Variants in HEMK2 observed in about 807,000 individuals in gnomAD.
HEMK2 encodes methyltransferase HEMK2.
chr21:28,757,662 T>C, the HEMK2 span, among the ~76,000 whole-genome samples: 1 of 152,214 alleles, frequency 6.6e-6, no homozygotes, highest in African/African-American at 2.4e-5. Flanking sequence ...CGACAGCAGA[T>C]AGAACAAAAC....
the HEMK2 span, among the ~76,000 whole-genome samples, chr21:28,632,899 G>A: frequency 5.3e-5 from 8 of 152,152 alleles, no homozygotes; most frequent in Admixed American, 1.3e-4. Context: ...AAAAGCAGAC[G>A]CAGTGTAGAC....
At chr21:28,626,480 T>C in the HEMK2 span, 1 of 152,166 alleles carries the variant, frequency 6.6e-6, no homozygotes, top group East Asian at 1.9e-4. Context: ...ATACATATAT[T>C]CAAAAAGAGC....
chr21:28,740,405 T>C, the HEMK2 span, among the ~76,000 whole-genome samples: 1 of 152,234 alleles, frequency 6.6e-6, no homozygotes, highest in East Asian at 1.9e-4. Flanking sequence ...GGAATTCAAA[T>C]GACAGTGGGT....
chr21:28,819,429 C>T, the HEMK2 span, among the ~76,000 whole-genome samples: 2 of 151,162 alleles, frequency 1.3e-5, no homozygotes, highest in African/African-American at 4.9e-5. Context: ...CCAAAAAATT[C>T]GATTAACTCA....
At chr21:28,662,939 C>T in the HEMK2 span, among the ~76,000 whole-genome samples, 9 of 152,108 alleles carry the variant, frequency 5.9e-5, no homozygotes, top group African/African-American at 2.2e-4. Flanking sequence ...TTGCTTTCCC[C>T]AAGCCCAATC....
chr21:28,609,101 C>T, the HEMK2 span, among the ~76,000 whole-genome samples: 1 of 152,174 alleles, frequency 6.6e-6, no homozygotes, highest in African/African-American at 2.4e-5. Flanking sequence ...GGAGGCCAAC[C>T]AGCACACGTA....
chr21:28,856,571 C>T, the HEMK2 span, among the ~76,000 whole-genome samples: 1 of 152,120 alleles, frequency 6.6e-6, no homozygotes, highest in Non-Finnish European at 1.5e-5. Flanking sequence ...AAATTCTGTA[C>T]CTTCAATTGA....
the HEMK2 span, among the ~76,000 whole-genome samples, chr21:28,603,845 T>C: frequency 5.3e-4 from 81 of 152,302 alleles, 1 homozygote; most frequent in Admixed American, 1.4e-3. Flanking sequence ...AGCAGTGTTG[T>C]CTTCAATTGT....
chr21:28,691,289 C>T, the HEMK2 span, among the ~76,000 whole-genome samples: 1 of 152,130 alleles, frequency 6.6e-6, no homozygotes, highest in Non-Finnish European at 1.5e-5. Flanking sequence ...TTCCTTTTAA[C>T]CAGTTTTTGA....
At chr21:28,756,926 T>C in the HEMK2 span, among the ~76,000 whole-genome samples, 3 of 152,228 alleles carry the variant, frequency 2.0e-5, no homozygotes, top group East Asian at 1.9e-4. Flanking sequence ...TTTCTACTTA[T>C]GGTAAATAAT....
the HEMK2 span, among the ~76,000 whole-genome samples, chr21:28,724,719 A>G: frequency 6.6e-6 from 1 of 150,478 alleles, no homozygotes; most frequent in East Asian, 1.9e-4. Flanking sequence ...ATGCCTCTGC[A>G]TTTGCTTTCT....
chr21:28,576,516 A>C, the HEMK2 span, among the ~76,000 whole-genome samples: 1 of 152,056 alleles, frequency 6.6e-6, no homozygotes, highest in African/African-American at 2.4e-5. Flanking sequence ...ATATTTCTCT[A>C]TATGTCTTAT....
chr21:28,834,759 C>T, the HEMK2 span, among the ~76,000 whole-genome samples: 1 of 152,086 alleles, frequency 6.6e-6, no homozygotes, highest in African/African-American at 2.4e-5. Context: ...GGTTTTCAAA[C>T]CCATATTGCT....
At chr21:28,819,739 G>A in the HEMK2 span, among the ~76,000 whole-genome samples, 11,893 of 151,486 alleles carry the variant, frequency 0.079, 499 homozygotes, top group Middle Eastern at 0.13. Flanking sequence ...TAGTAGAGAC[G>A]GAATTTCACC....
At chr21:28,793,627 T>C in the HEMK2 span, among the ~76,000 whole-genome samples, 7 of 152,240 alleles carry the variant, frequency 4.6e-5, no homozygotes, top group African/African-American at 1.7e-4. Context: ...TGAAAAAGTA[T>C]GTCAGCATCC....
At chr21:28,596,302 G>A in the HEMK2 span, among the ~76,000 whole-genome samples, 1 of 152,132 alleles carries the variant, frequency 6.6e-6, no homozygotes, top group African/African-American at 2.4e-5. Flanking sequence ...ACAGGTGTAA[G>A]CCACCGCGCC....
the HEMK2 span, among the ~76,000 whole-genome samples, chr21:28,675,564 C>T: frequency 6.6e-6 from 1 of 152,190 alleles, no homozygotes. Flanking sequence ...ACATTTTAAC[C>T]TTGCTCAGGG....
chr21:28,868,945 T>C, the HEMK2 span, among the ~76,000 whole-genome samples: 63 of 152,308 alleles, frequency 4.1e-4, no homozygotes, highest in African/African-American at 1.3e-3. Context: ...GATGACAATT[T>C]TGTTCGTATT....
the HEMK2 span, among the ~76,000 whole-genome samples, chr21:28,764,192 C>T: frequency 7.1e-4 from 108 of 152,140 alleles, 1 homozygote; most frequent in East Asian, 1.4e-3. Flanking sequence ...GGTACTTAGC[C>T]AACCTAAGAT....
Sources: gnomAD v4.1 joint callset for allele counts (sites outside exome capture counted in the v4.1 genomes callset) on GRCh38, gnomAD v4.1.1 for gene constraint, MANE v1.5 for transcripts, NCBI Gene and HGNC (gene_info 2026-07-23, HGNC 2026-07-21) for gene names.